The following ASIP variants were observed in gnomAD, a reference collection of about 807,000 sequenced individuals.
The protein encoded by ASIP is agouti-signaling protein.
In ASIP, 11 loss-of-function variants were observed where a neutral mutation model predicts 10.3. The observed-to-expected ratio is 1.07, with a 90% CI of 0.68 to 1.78. The LOEUF is 1.78. Among genes scored for constraint, ASIP ranks in the 40% most tolerant of loss-of-function variants. The pLI is 0.00. For synonymous variants in ASIP, 70 were observed against 70.8 expected, an observed-to-expected ratio of 0.99 and a Z score of 0.06; for missense variants, 180 against 169.2, an observed-to-expected ratio of 1.06 and a Z score of -0.35.
upstream of ASIP, among the ~76,000 whole-genome samples, chr20:34,240,826 C>T (rs1197159948): frequency 6.6e-6 from 1 of 152,178 alleles, no homozygotes; most frequent in Non-Finnish European, 1.5e-5. Context: ...CTTCCAATCC[C>T]TTGTAACCTC....
At chr20:34,214,072 G>A (rs1344989243) in intron 1 of ASIP, 1 of 1,236,128 alleles carries the variant, frequency 8.1e-7, no homozygotes, top group African/African-American at 1.5e-5. Context: ...CACTCCAACT[G>A]TCTCATAAAT....
chr20:34,252,691 C>T (rs1385253965), intron 1 of ASIP, among the ~76,000 whole-genome samples: 1 of 152,142 alleles, frequency 6.6e-6, no homozygotes, highest in East Asian at 1.9e-4. Flanking sequence ...AGCACAGACC[C>T]TTTATGGGTG....
chr20:34,243,987 C>T (rs1281810014), intron 1 of ASIP, among the ~76,000 whole-genome samples: 1 of 152,152 alleles, frequency 6.6e-6, no homozygotes, highest in Non-Finnish European at 1.5e-5. Flanking sequence ...ATGGCGTGAA[C>T]CCGGGAAGCG....
intron 1 of ASIP, among the ~76,000 whole-genome samples, chr20:34,200,076 GC>G (rs113863632): frequency 2.0e-5 from 3 of 152,214 alleles, no homozygotes; most frequent in South Asian, 2.1e-4. Flanking sequence ...AAATGTTCAA[GC>G]TTTTCTTTTA....
At chr20:34,207,125 A>G (rs1460067995) in intron 1 of ASIP, among the ~76,000 whole-genome samples, 1 of 152,212 alleles carries the variant, frequency 6.6e-6, no homozygotes, top group Non-Finnish European at 1.5e-5. Context: ...CGTTAACAGA[A>G]TACAAGCATC....
rs1475517049 is a variant in ASIP, at chr20:34,218,808, G to A, written c.-11+24048G>A. On this transcript the variant is annotated intron_variant, in intron 1 of 3. Coordinates refer to the ASIP transcript ENST00000568305. ...CTCCTGGGTAGCTGGGACTGCAGGC[G>A]CCCGCCACCACGCCCAGCTAATTTT... 3.9e-5 allele frequency among the ~76,000 whole-genome samples: 6 copies of A among 152,052 alleles called. No individual in the cohort carries two copies. In the East Asian group the frequency reaches 5.8e-4, roughly 15 times the overall value.
chr20:34,191,565 C>T (rs2034824472), upstream of ASIP, among the ~76,000 whole-genome samples: 1 of 152,216 alleles, frequency 6.6e-6, no homozygotes, highest in Non-Finnish European at 1.5e-5. Context: ...CCTCTGCCCT[C>T]TTCTAATTCT....
chr20:34,223,470 G>A (rs1460817428), intron 1 of ASIP, among the ~76,000 whole-genome samples: 44 of 151,452 alleles, frequency 2.9e-4, no homozygotes, highest in Non-Finnish European at 4.3e-4. Flanking sequence ...GTCTCCGCCC[G>A]GCAGCCACCC....
At chr20:34,235,723 G>A (rs1306916260) in intron 1 of ASIP, among the ~76,000 whole-genome samples, 1 of 148,258 alleles carries the variant, frequency 6.7e-6, no homozygotes, top group Admixed American at 6.8e-5. Context: ...AGTCGTGGCT[G>A]AAGTGGGCTC....
At chr20:34,217,648 G>T (rs1372011226) in intron 1 of ASIP, among the ~76,000 whole-genome samples, 1 of 151,868 alleles carries the variant, frequency 6.6e-6, no homozygotes, top group African/African-American at 2.4e-5. Context: ...TGCAACCTCC[G>T]CCTCTTGGGT....
At chr20:34,224,080 G>GGAAGGC (rs2035075848) in intron 1 of ASIP, among the ~76,000 whole-genome samples, 1 of 112,248 alleles carries the variant, frequency 8.9e-6, no homozygotes, top group Non-Finnish European at 1.9e-5. Context: ...CACAAACACT[G>GGAAGGC]CGGAAGGCCG....
upstream of ASIP, among the ~76,000 whole-genome samples, chr20:34,190,256 T>C (rs1482078817): frequency 6.6e-6 from 1 of 152,162 alleles, no homozygotes; most frequent in African/African-American, 2.4e-5. Flanking sequence ...TCACACCTCG[T>C]TTTACCAGGT....
At chr20:34,218,955 G>A (rs769464533) in intron 1 of ASIP, among the ~76,000 whole-genome samples, 2 of 151,952 alleles carry the variant, frequency 1.3e-5, no homozygotes, top group Non-Finnish European at 2.9e-5. Flanking sequence ...GAGCCACCAC[G>A]CCTGGCCCCT....
At chr20:34,258,690 TAC>T (rs1555826886) in intron 1 of ASIP, among the ~76,000 whole-genome samples, 6,759 of 72,288 alleles carry the variant, frequency 0.094, 2,541 homozygotes, top group African/African-American at 0.48. Flanking sequence ...TATATATATA[TAC>T]ATACTATATA....
chr20:34,257,754 A>G (rs536139743), intron 1 of ASIP, among the ~76,000 whole-genome samples: 17 of 152,358 alleles, frequency 1.1e-4, no homozygotes, highest in African/African-American at 4.1e-4. Flanking sequence ...ATTAGGACCC[A>G]GTCCTGTACT....
chr20:34,216,219 C>T (rs1377091762), intron 1 of ASIP, among the ~76,000 whole-genome samples: 1 of 152,230 alleles, frequency 6.6e-6, no homozygotes, highest in Non-Finnish European at 1.5e-5. Context: ...GGGTCAGCGC[C>T]CCAAGAAGGG....
chr20:34,258,944 G>A (rs929344392), intron 1 of ASIP, among the ~76,000 whole-genome samples: 2 of 142,582 alleles, frequency 1.4e-5, no homozygotes, highest in Non-Finnish European at 3.0e-5. Context: ...AAATATGGCT[G>A]AGTGGTGGCT....
chr20:34,209,502 G>C (rs1374907384), intron 1 of ASIP, among the ~76,000 whole-genome samples: 1 of 152,214 alleles, frequency 6.6e-6, no homozygotes, highest in Non-Finnish European at 1.5e-5. Context: ...TGCACTCTTG[G>C]CAGCCTGGGA....
chr20:34,227,629 CAAA>C (rs1207391194), intron 1 of ASIP, among the ~76,000 whole-genome samples: 11 of 82,614 alleles, frequency 1.3e-4, no homozygotes, highest in East Asian at 3.5e-4. Flanking sequence ...GGCTCCATCT[CAAA>C]AAAAAAAAAA....
Sources: allele counts gnomAD v4.1 joint callset (sites outside exome capture counted in the v4.1 genomes callset), GRCh38; gene constraint gnomAD v4.1.1; transcripts MANE v1.5; gene names NCBI Gene and HGNC (gene_info 2026-07-23, HGNC 2026-07-21).